USP10: variants seen among roughly 807,000 people sequenced by gnomAD.
USP10 encodes ubiquitin carboxyl-terminal hydrolase 10.
Under a neutral mutation model 84.5 loss-of-function variants are expected in USP10, and 22 were observed. The observed-to-expected ratio is 0.26, with a 90% CI of 0.19 to 0.37. The LOEUF (loss-of-function observed/expected upper bound fraction) is 0.37. Among genes scored for constraint, USP10 ranks in the 10% least tolerant of loss-of-function variants. The probability of loss-of-function intolerance (pLI) is 1.00; values close to 1 mark genes in which losing one functional copy is unlikely to be tolerated. For missense variants in USP10, 1,019 were observed against 998.9 expected, an observed-to-expected ratio of 1.02 and a Z score of -0.27; for synonymous variants, 454 against 387.6, an observed-to-expected ratio of 1.17 and a Z score of -2.01.
intron 1 of USP10, among the ~76,000 whole-genome samples, chr16:84,717,461 A>G (rs1225650425): frequency 6.6e-6 from 1 of 152,228 alleles, no homozygotes; most frequent in Non-Finnish European, 1.5e-5. Context: ...AAGGCAGGAC[A>G]CATTGCTTAA....
intron 1 of USP10, among the ~76,000 whole-genome samples, chr16:84,726,819 G>T (rs551822105): frequency 5.3e-5 from 8 of 152,350 alleles, no homozygotes; most frequent in Middle Eastern, 3.4e-3. Context: ...TTGCTCCCCC[G>T]AATCGCAGGC....
intron 1 of USP10, among the ~76,000 whole-genome samples, chr16:84,724,143 T>C (rs899780078): frequency 2.0e-5 from 3 of 152,226 alleles, no homozygotes; most frequent in Non-Finnish European, 1.5e-5. Context: ...GCTATCTATA[T>C]TACCTTGCTA....
At chr16:84,706,370 G>C (rs1905505746) in intron 1 of USP10, among the ~76,000 whole-genome samples, 1 of 151,654 alleles carries the variant, frequency 6.6e-6, no homozygotes, top group African/African-American at 2.4e-5. Flanking sequence ...AGCAGTTTTA[G>C]GTTCACAGCA....
At position 84,762,971 on chromosome 16, in the gene USP10, T is replaced by A. The variant is rs1913382328; in HGVS notation, c.1555-18T>A. The stretch of plus-strand genomic sequence containing the variant: ...AGTGATCAGTTCACAGTAACGTGAT[T>A]ATATTTGACCTTTTCAGGGTCGACA... On this transcript the variant is annotated intron_variant, in intron 8 of 13. Coordinates refer to ENST00000219473, the MANE Select transcript of USP10 (RefSeq NM_005153.3). 6.4e-7 allele frequency: 1 copy of A among 1,556,494 alleles called. No individual in the cohort carries two copies. The highest frequency in any genetic ancestry group is 8.8e-7 in the Non-Finnish European group (1 of 1,131,324).
At chr16:84,760,056 A>G (rs1423618869) in intron 7 of USP10, 110 bp downstream of exon 7, 1 of 1,518,698 alleles carries the variant, frequency 6.6e-7, no homozygotes, top group Non-Finnish European at 9.1e-7. Context: ...CTTTACACCT[A>G]TGCCATTCTC....
intron 13 of USP10, among the ~76,000 whole-genome samples, chr16:84,778,251 C>T (rs747059839): frequency 1.3e-5 from 2 of 152,154 alleles, no homozygotes; most frequent in African/African-American, 4.8e-5. Context: ...CAGGGTCCCT[C>T]CTGCCATGTG....
intron 1 of USP10, 83 bp from the exon 2 acceptor site, chr16:84,733,352 A>G: frequency 9.1e-7 from 1 of 1,100,516 alleles, no homozygotes; most frequent in Non-Finnish European, 1.4e-6. Flanking sequence ...GTTGCATAGG[A>G]TTGTTAAAAT....
intron 2 of USP10, among the ~76,000 whole-genome samples, chr16:84,734,810 A>C (rs145901583): frequency 6.6e-6 from 1 of 152,182 alleles, no homozygotes; most frequent in African/African-American, 2.4e-5. Flanking sequence ...AAATTGAGGC[A>C]CTGAATTTTG....
intron 4 of USP10, among the ~76,000 whole-genome samples, chr16:84,756,116 C>A (rs1236611104): frequency 7.0e-6 from 1 of 142,512 alleles, no homozygotes; most frequent in Non-Finnish European, 1.5e-5. Flanking sequence ...CCCAACACCC[C>A]TTCAGCTTAG....
chr16:84,748,825 A>C (rs879058827), intron 4 of USP10, among the ~76,000 whole-genome samples: 1 of 152,212 alleles, frequency 6.6e-6, no homozygotes, highest in Non-Finnish European at 1.5e-5. Flanking sequence ...AAACACTGAA[A>C]GTAAGGGCCT....
At chr16:84,771,420 A>C (rs896878647) in intron 11 of USP10, among the ~76,000 whole-genome samples, 12 of 151,892 alleles carry the variant, frequency 7.9e-5, no homozygotes, top group African/African-American at 2.9e-4. Context: ...ACCTGAGCCC[A>C]GGAAGTCAAG....
chr16:84,764,345 GT>G (rs1465348676), intron 10 of USP10, 82 bp downstream of exon 10: 1 of 1,564,982 alleles, frequency 6.4e-7, no homozygotes, highest in Non-Finnish European at 8.8e-7. Flanking sequence ...TGTGAGGCTT[GT>G]TTTGAGACTT....
intron 2 of USP10, among the ~76,000 whole-genome samples, chr16:84,733,758 C>A (rs2150801305): frequency 6.6e-6 from 1 of 152,268 alleles, no homozygotes; most frequent in East Asian, 1.9e-4. Context: ...ACCTCTCTCC[C>A]ATCTCTCCCC....
intron 1 of USP10, among the ~76,000 whole-genome samples, chr16:84,726,826 A>AG (rs1908550875): frequency 6.6e-6 from 1 of 152,254 alleles, no homozygotes; most frequent in Non-Finnish European, 1.5e-5. Flanking sequence ...CCCGAATCGC[A>AG]GGCATTTCTG....
At chr16:84,718,846 G>C (rs1230364782) in intron 1 of USP10, among the ~76,000 whole-genome samples, 1 of 151,938 alleles carries the variant, frequency 6.6e-6, no homozygotes, top group African/African-American at 2.4e-5. Context: ...AGGCTGGAGT[G>C]CAGTGGTGCA....
intron 13 of USP10, among the ~76,000 whole-genome samples, chr16:84,776,684 C>A (rs1018768689): frequency 1.1e-4 from 16 of 152,270 alleles, no homozygotes; most frequent in Admixed American, 1.0e-3. Context: ...GGGGCAGGGG[C>A]TAGGGATTGC....
chr16:84,731,618 G>A (rs890222271), intron 1 of USP10, among the ~76,000 whole-genome samples: 1 of 152,068 alleles, frequency 6.6e-6, no homozygotes, highest in Non-Finnish European at 1.5e-5. Flanking sequence ...GGCATTCTAG[G>A]AACAAAATCC....
chr16:84,771,949 A>G (rs1023693066), intron 11 of USP10, among the ~76,000 whole-genome samples: 1 of 152,206 alleles, frequency 6.6e-6, no homozygotes, highest in African/African-American at 2.4e-5. Flanking sequence ...TTTGTCAGTA[A>G]TGCCACAGAG....
intron 11 of USP10, among the ~76,000 whole-genome samples, 198 bp downstream of exon 11, chr16:84,768,556 AT>A (rs940718888): frequency 1.4e-4 from 21 of 152,342 alleles, no homozygotes; most frequent in African/African-American, 5.0e-4. Flanking sequence ...TTAGCTCTAA[AT>A]CATATTACAC....
Sources: allele counts gnomAD v4.1 joint callset (sites outside exome capture counted in the v4.1 genomes callset), GRCh38; gene constraint gnomAD v4.1.1; transcripts MANE v1.5; gene names NCBI Gene and HGNC (gene_info 2026-07-23, HGNC 2026-07-21).